Variants in PARD3 observed in about 807,000 individuals in gnomAD.
PARD3 encodes partitioning defective 3 homolog.
PARD3 carries 75 observed loss-of-function variants against 155.4 expected under a neutral mutation model. That is an observed-to-expected ratio of 0.48 (90% confidence interval 0.40 to 0.58). The LOEUF (loss-of-function observed/expected upper bound fraction) is 0.58. Ranked by LOEUF, PARD3 falls within the 20% of genes least tolerant of loss-of-function variation. The pLI, the probability that PARD3 is intolerant of heterozygous loss-of-function variation, is 0.00. For missense variants in PARD3, 1,642 were observed against 1,721.7 expected, an observed-to-expected ratio of 0.95 and a Z score of 0.82; for synonymous variants, 576 against 610.5, an observed-to-expected ratio of 0.94 and a Z score of 0.83.
intron 6 of PARD3, among the ~76,000 whole-genome samples, chr10:34,399,941 C>A (rs1437774724): frequency 2.6e-5 from 4 of 152,170 alleles, no homozygotes; most frequent in South Asian, 2.1e-4. Context: ...TTCCAATAAT[C>A]CAATGAGACC....
At position 34,533,804 on chromosome 10, in the gene PARD3, TAAAAAAACAACAA is replaced by T. The variant is rs565358298; in HGVS notation, c.223-16658_223-16646del. On this transcript the variant is annotated intron_variant, in intron 2 of 24. Coordinates refer to ENST00000374788, the MANE Select transcript of PARD3 (RefSeq NM_001184785.2). ...CTGGGTGACAGAGCAAGACTCCATCTAAAAAAACAACAAAAAAAAACAGACTATTGACCCAAAA... is the reference window on the plus strand; with the variant it reads ...CTGGGTGACAGAGCAAGACTCCATCTAAAAAAACAGACTATTGACCCAAAA... Among the ~76,000 whole-genome samples the T allele has an allele frequency of 4.0e-3, 603 of 150,758 alleles. 4 individuals carry two copies. Among genetic ancestry groups the T allele is most frequent in the African/African-American group, 0.013 (537 of 41,042 alleles).
chr10:34,666,030 A>T (rs1222959889), intron 2 of PARD3, among the ~76,000 whole-genome samples: 1 of 151,690 alleles, frequency 6.6e-6, no homozygotes, highest in Non-Finnish European at 1.5e-5. Flanking sequence ...CTTGACAACC[A>T]AGTGAGACCC....
intron 1 of PARD3, among the ~76,000 whole-genome samples, chr10:34,804,788 T>C (rs1316030795): frequency 2.6e-5 from 4 of 152,228 alleles, no homozygotes; most frequent in African/African-American, 4.8e-5. Context: ...CCAATTTGTA[T>C]TGTCTATGTA....
chr10:34,676,909 A>G (rs1283434894), intron 2 of PARD3, among the ~76,000 whole-genome samples: 5 of 152,212 alleles, frequency 3.3e-5, no homozygotes, highest in Non-Finnish European at 5.9e-5. Flanking sequence ...GAATTTCCTC[A>G]TTCATTTCTG....
At chr10:34,635,645 G>A (rs187471189) in intron 2 of PARD3, among the ~76,000 whole-genome samples, 224 of 152,334 alleles carry the variant, frequency 1.5e-3, no homozygotes, top group Non-Finnish European at 2.2e-3. Flanking sequence ...CAACTGGTAT[G>A]TAGAAAACAC....
intron 2 of PARD3, among the ~76,000 whole-genome samples, chr10:34,644,736 C>A (rs2092784205): frequency 6.6e-6 from 1 of 152,148 alleles, no homozygotes. Context: ...CTTAATTTAG[C>A]ACACACAGGT....
chr10:34,313,900 T>C (rs1370087855), intron 20 of PARD3, among the ~76,000 whole-genome samples: 1 of 152,166 alleles, frequency 6.6e-6, no homozygotes, highest in African/African-American at 2.4e-5. Flanking sequence ...CCTACAAAAC[T>C]AGACTCCCAC....
intron 2 of PARD3, among the ~76,000 whole-genome samples, chr10:34,615,095 G>A (rs1261693751): frequency 6.6e-6 from 1 of 152,042 alleles, no homozygotes; most frequent in Admixed American, 6.5e-5. Flanking sequence ...GCAGGAGAAT[G>A]GCCTGAACCT....
At chr10:34,551,316 CTCAG>C (rs1365188643) in intron 2 of PARD3, among the ~76,000 whole-genome samples, 3 of 152,170 alleles carry the variant, frequency 2.0e-5, no homozygotes, top group Admixed American at 6.5e-5. Flanking sequence ...TACCTGTGGA[CTCAG>C]TCAATTTTAA....
intron 22 of PARD3, among the ~76,000 whole-genome samples, chr10:34,259,267 C>T (rs915597443): frequency 1.3e-5 from 2 of 152,066 alleles, no homozygotes; most frequent in African/African-American, 2.4e-5. Flanking sequence ...CTTGAGACAA[C>T]ACACATTTAT....
At chr10:34,499,500 T>G (rs1246212277) in intron 3 of PARD3, among the ~76,000 whole-genome samples, 1 of 152,076 alleles carries the variant, frequency 6.6e-6, no homozygotes, top group Admixed American at 6.5e-5. Context: ...TTGAAACAGA[T>G]TTTTTAAATT....
chr10:34,560,807 C>T (rs748980421), intron 2 of PARD3, among the ~76,000 whole-genome samples: 3 of 152,092 alleles, frequency 2.0e-5, no homozygotes, highest in Non-Finnish European at 4.4e-5. Flanking sequence ...ATTATGATCA[C>T]GTTTTCATGA....
rs529302804 is a variant in PARD3 at position 34,346,286 on chromosome 10, T to C, written c.2218+1679A>G. On this transcript the variant is annotated intron_variant, in intron 15 of 24. Coordinates refer to ENST00000374788, the MANE Select transcript of PARD3 (RefSeq NM_001184785.2). The stretch of plus-strand genomic sequence containing the variant: ...AATGAATGACTCTTCAACTCATATA[T>C]ACAGCATTTCAAAAGGTCACTAGCT... 4.0e-6 allele frequency: 5 copies of C among 1,237,226 alleles called. No individual in the cohort carries two copies. In the South Asian group the frequency reaches 4.5e-5, roughly 11 times the overall value. The allele number at this position is 1,237,226 out of a possible 1,614,324, so 76.6% of individuals were successfully genotyped here.
chr10:34,551,936 C>A (rs2084611904), intron 2 of PARD3, among the ~76,000 whole-genome samples: 1 of 152,076 alleles, frequency 6.6e-6, no homozygotes, highest in Non-Finnish European at 1.5e-5. Context: ...CTGTCACTGC[C>A]AAAGGTTGTC....
chr10:34,304,665 C>T (rs921734695), intron 20 of PARD3, among the ~76,000 whole-genome samples: 2 of 152,156 alleles, frequency 1.3e-5, no homozygotes, highest in Non-Finnish European at 2.9e-5. Flanking sequence ...CCACCAATTA[C>T]CTTGTGACCT....
chr10:34,686,259 C>A (rs1175463766), intron 2 of PARD3, among the ~76,000 whole-genome samples: 1 of 152,114 alleles, frequency 6.6e-6, no homozygotes, highest in East Asian at 1.9e-4. Context: ...TAACTTACAA[C>A]CTCGGTCCTT....
intron 2 of PARD3, among the ~76,000 whole-genome samples, chr10:34,622,757 A>G (rs1249228235): frequency 6.6e-6 from 1 of 152,086 alleles, no homozygotes; most frequent in East Asian, 1.9e-4. Context: ...AAGGCCGAAC[A>G]GTAATAGAGG....
intron 3 of PARD3, among the ~76,000 whole-genome samples, chr10:34,487,826 A>C (rs1218969902): frequency 6.6e-6 from 1 of 152,142 alleles, no homozygotes; most frequent in African/African-American, 2.4e-5. Context: ...CATGTAATTA[A>C]ATTTTAAAAT....
intron 5 of PARD3, among the ~76,000 whole-genome samples, chr10:34,449,084 A>G (rs1449023942): frequency 6.7e-6 from 1 of 150,198 alleles, no homozygotes; most frequent in Non-Finnish European, 1.5e-5. Context: ...ACGCCCGGCT[A>G]TTTTTTGTAT....
Sources: allele counts gnomAD v4.1 joint callset (sites outside exome capture counted in the v4.1 genomes callset), GRCh38; gene constraint gnomAD v4.1.1; transcripts MANE v1.5; gene names NCBI Gene and HGNC (gene_info 2026-07-23, HGNC 2026-07-21).